Variants in PRKCD observed in about 807,000 individuals in gnomAD.
PRKCD encodes the protein protein kinase C delta, also known as protein kinase C delta type.
Under a neutral mutation model 82.2 loss-of-function variants are expected in PRKCD, and 20 were observed. That is an observed-to-expected ratio of 0.24 (90% confidence interval 0.17 to 0.35). The LOEUF is 0.35. PRKCD is among the 10% of genes least tolerant of loss of function. The pLI, the probability that PRKCD is intolerant of heterozygous loss-of-function variation, is 1.00. For missense variants in PRKCD, 607 were observed against 899.0 expected, an observed-to-expected ratio of 0.68 and a Z score of 4.15; for synonymous variants, 317 against 337.0, an observed-to-expected ratio of 0.94 and a Z score of 0.65.
intron 3 of PRKCD, among the ~76,000 whole-genome samples, 164 bp downstream of exon 3, chr3:53,178,701 G>A (rs1553666503): frequency 3.9e-5 from 6 of 152,254 alleles, no homozygotes. Context: ...CCACTGAGTC[G>A]CTATAGGGCT....
intron 3 of PRKCD, among the ~76,000 whole-genome samples, chr3:53,179,111 G>C (rs1479449071): frequency 3.3e-5 from 5 of 152,326 alleles, no homozygotes; most frequent in South Asian, 2.1e-4. Flanking sequence ...CCTTAGGCTT[G>C]ACCCTGTAGC....
intron 14 of PRKCD, 91 bp downstream of exon 14, chr3:53,186,786 C>T: frequency 7.6e-7 from 1 of 1,321,726 alleles, no homozygotes; most frequent in African/African-American, 1.5e-5. Context: ...ATGCCTTCTT[C>T]CCTCTCCCTA....
At chr3:53,163,405 A>G (rs1311264143) in intron 1 of PRKCD, among the ~76,000 whole-genome samples, 2 of 151,868 alleles carry the variant, frequency 1.3e-5, no homozygotes, top group Admixed American at 1.3e-4. Context: ...GTGGGAGACC[A>G]TGAGGATGTG....
At chr3:53,178,895 G>A (rs1553666544) in intron 3 of PRKCD, among the ~76,000 whole-genome samples, 1 of 152,206 alleles carries the variant, frequency 6.6e-6, no homozygotes, top group African/African-American at 2.4e-5. Context: ...AGTCAGGTGG[G>A]GAAACCAGGC....
At chr3:53,183,238 C>G in intron 8 of PRKCD, 32 bp downstream of exon 8, 2 of 1,610,004 alleles carry the variant, frequency 1.2e-6, no homozygotes, top group Non-Finnish European at 1.7e-6. Flanking sequence ...GGCTGGGGAT[C>G]TGGGGGGCTT....
intron 9 of PRKCD, 75 bp from the exon 10 acceptor site, chr3:53,184,799 C>T: frequency 7.8e-7 from 1 of 1,282,408 alleles, no homozygotes; most frequent in Non-Finnish European, 1.1e-6. Context: ...TCTTGCTCTC[C>T]TGCGCCTCTC....
intron 2 of PRKCD, among the ~76,000 whole-genome samples, chr3:53,175,192 T>C (rs557023629): frequency 2.6e-4 from 39 of 152,290 alleles, no homozygotes; most frequent in African/African-American, 9.1e-4. Context: ...GAGTGAGTTG[T>C]ATGTTCATGG....
intron 2 of PRKCD, among the ~76,000 whole-genome samples, chr3:53,177,147 T>C (rs1173692591): frequency 6.6e-6 from 1 of 152,068 alleles, no homozygotes; most frequent in African/African-American, 2.4e-5. Context: ...GTTCTTTTTT[T>C]AAGAGATAGG....
At chr3:53,180,877 A>G (rs1057154786) in intron 4 of PRKCD, among the ~76,000 whole-genome samples, 1 of 152,148 alleles carries the variant, frequency 6.6e-6, no homozygotes, top group Non-Finnish European at 1.5e-5. Context: ...AGGGGCCTCC[A>G]TTCTAAGATC....
chr3:53,188,626 C>A, intron 15 of PRKCD, 94 bp from the exon 16 acceptor site: 2 of 1,524,196 alleles, frequency 1.3e-6, no homozygotes, highest in Admixed American at 1.7e-5. Flanking sequence ...GGGGACAGTC[C>A]TGGACTAATA....
In PRKCD at chr3:53,165,140, G is replaced by C. The variant is rs1425121526; in HGVS notation, c.-95G>C. ...ACTGGCCAGGCAAGGGGGCAGGCCC[G>C]TTTCTCCTGGTGGTTGGTGCGTTGT... On this transcript the variant is annotated 5_prime_UTR_variant, in exon 2 of 19. Coordinates refer to ENST00000330452, the MANE Select transcript of PRKCD (RefSeq NM_006254.4). The C allele has an allele frequency of 6.6e-6, 1 of 152,302 alleles. No homozygotes were observed. Among genetic ancestry groups the C allele is most frequent in the Non-Finnish European group, 1.5e-5 (1 of 68,144 alleles). The allele number at this position is 152,302 out of a possible 1,614,324, so 9.4% of individuals were successfully genotyped here. A position where few individuals can be genotyped will look rare whatever the true frequency, so the allele number is the denominator to read the frequency against.
chr3:53,178,182 C>T (rs782651725), intron 2 of PRKCD, among the ~76,000 whole-genome samples: 15 of 152,202 alleles, frequency 9.9e-5, no homozygotes, highest in Non-Finnish European at 2.1e-4. Context: ...AGGCCATCTG[C>T]CTACCTTGGC....
intron 2 of PRKCD, among the ~76,000 whole-genome samples, chr3:53,167,550 C>G (rs1179177633): frequency 1.3e-5 from 2 of 152,216 alleles, no homozygotes; most frequent in African/African-American, 4.8e-5. Flanking sequence ...CCTCAGTCTC[C>G]CCCTGACAGA....
chr3:53,165,554 G>A (rs1194989299), intron 2 of PRKCD, among the ~76,000 whole-genome samples: 4 of 152,236 alleles, frequency 2.6e-5, no homozygotes, highest in Non-Finnish European at 4.4e-5. Context: ...TTGAGGGTGG[G>A]TGTGTCAGCT....
intron 2 of PRKCD, among the ~76,000 whole-genome samples, chr3:53,170,522 C>T (rs1443727988): frequency 2.0e-5 from 3 of 152,214 alleles, no homozygotes; most frequent in African/African-American, 7.2e-5. Flanking sequence ...GGCAGGTGGG[C>T]GGGCGGGCGG....
chr3:53,176,701 G>A (rs566831180), intron 2 of PRKCD, among the ~76,000 whole-genome samples: 2 of 152,390 alleles, frequency 1.3e-5, no homozygotes, highest in South Asian at 4.1e-4. Flanking sequence ...GCCCCTTGGA[G>A]TCACTTACTG....
intron 4 of PRKCD, among the ~76,000 whole-genome samples, chr3:53,180,778 G>C (rs527330723): frequency 1.3e-3 from 201 of 152,296 alleles, no homozygotes; most frequent in African/African-American, 4.5e-3. Flanking sequence ...ATCTGCATGA[G>C]GAGCCCTCGG....
intron 15 of PRKCD, among the ~76,000 whole-genome samples, chr3:53,187,847 A>C (rs1349878446): frequency 2.6e-5 from 4 of 152,192 alleles, no homozygotes; most frequent in African/African-American, 9.6e-5. Context: ...GTGGAAAAAC[A>C]ACCTGTGGGA....
intron 4 of PRKCD, 65 bp downstream of exon 4, chr3:53,179,841 C>A: frequency 6.5e-7 from 1 of 1,532,550 alleles, no homozygotes; most frequent in Middle Eastern, 2.3e-4. Context: ...TGCATGCGTG[C>A]ATGTGTGTGC....
Sources: allele counts gnomAD v4.1 joint callset (sites outside exome capture counted in the v4.1 genomes callset), GRCh38; gene constraint gnomAD v4.1.1; transcripts MANE v1.5; gene names NCBI Gene and HGNC (gene_info 2026-07-23, HGNC 2026-07-21).